DOCK4: variants seen among roughly 807,000 people sequenced by gnomAD.
DOCK4 encodes dedicator of cytokinesis protein 4.
A neutral mutation model predicts 268.1 loss-of-function variants in DOCK4; 97 were observed. The observed-to-expected ratio is 0.36, with a 90% confidence interval of 0.31 to 0.43. DOCK4 has a LOEUF of 0.43. Among genes scored for constraint, DOCK4 ranks in the 20% least tolerant of loss-of-function variants. The probability of loss-of-function intolerance (pLI) is 1.00; values close to 1 mark genes in which losing one functional copy is unlikely to be tolerated. For synonymous variants in DOCK4, 954 were observed against 887.2 expected, an observed-to-expected ratio of 1.08 and a Z score of -1.34; for missense variants, 2,145 against 2,455.7, an observed-to-expected ratio of 0.87 and a Z score of 2.67.
chr7:112,103,264 G>C (rs1341259259), intron 1 of DOCK4, among the ~76,000 whole-genome samples: 1 of 151,550 alleles, frequency 6.6e-6, no homozygotes, highest in African/African-American at 2.4e-5. Flanking sequence ...CCCCAAACTT[G>C]GAGAGCAAAT....
intron 32 of DOCK4, among the ~76,000 whole-genome samples, chr7:111,785,084 T>C (rs574209500): frequency 1.3e-5 from 2 of 152,322 alleles, no homozygotes; most frequent in Non-Finnish European, 2.9e-5. Flanking sequence ...GGCATTCTAG[T>C]GCCCAGCCTT....
rs1797992920 is a variant in DOCK4, at chr7:111,769,641, A to G, written c.3716T>C (p.Leu1239Pro). The change falls in exon 37 of 53, where the codon CTG becomes CCG. Residue 1239 changes from leucine to proline, a missense_variant. Physicochemically the swap from Leu to Pro is moderately conservative, Grantham distance 98. This residue lies in a region of DOCK4 where 1,598 missense variants were observed against 1,986.7 expected (regional missense o/e 0.80). Coordinates refer to ENST00000428084, the MANE Select transcript of DOCK4 (RefSeq NM_001363540.2). ...AYTLLLYDEL[L>P]EWSDRPLREF... Reference sequence around the variant, plus strand: ...CCTGAGGGGCCGATCAGACCATTCCAGTAGCTCGTCATATAAGAGGAGGGT... The same window carrying G: ...CCTGAGGGGCCGATCAGACCATTCCGGTAGCTCGTCATATAAGAGGAGGGT... 1 of 1,613,716 alleles carries G rather than the reference A, an allele frequency of 6.2e-7. No homozygotes were observed. The highest frequency in any genetic ancestry group is 1.3e-5 in the African/African-American group (1 of 74,920).
intron 24 of DOCK4, among the ~76,000 whole-genome samples, chr7:111,845,657 A>G (rs1804039588): frequency 6.6e-6 from 1 of 152,168 alleles, no homozygotes. Context: ...AGTTTGAAAG[A>G]GCTTTTTGGC....
chr7:112,198,901 A>G (rs1220632646), intron 1 of DOCK4, among the ~76,000 whole-genome samples: 3 of 152,200 alleles, frequency 2.0e-5, no homozygotes, highest in Non-Finnish European at 4.4e-5. Context: ...TGATGCTCCA[A>G]CGTGCTCATA....
chr7:111,985,426 T>C (rs532194266), intron 6 of DOCK4, among the ~76,000 whole-genome samples: 25 of 152,224 alleles, frequency 1.6e-4, no homozygotes, highest in Non-Finnish European at 3.5e-4. Context: ...AGAAGGCTTC[T>C]GGCATCACAC....
intron 13 of DOCK4, among the ~76,000 whole-genome samples, chr7:111,906,847 C>T (rs1487376147): frequency 6.6e-6 from 1 of 152,114 alleles, no homozygotes; most frequent in African/African-American, 2.4e-5. Flanking sequence ...GTATATTCTC[C>T]CCTGGAAGCA....
At chr7:112,111,151 T>C (rs1811615145) in intron 1 of DOCK4, among the ~76,000 whole-genome samples, 1 of 152,222 alleles carries the variant, frequency 6.6e-6, no homozygotes, top group Non-Finnish European at 1.5e-5. Flanking sequence ...CCTCTGGTCC[T>C]GGCACAAGCT....
At chr7:112,103,041 C>G (rs540899716) in intron 1 of DOCK4, among the ~76,000 whole-genome samples, 1 of 152,288 alleles carries the variant, frequency 6.6e-6, no homozygotes, top group South Asian at 2.1e-4. Context: ...AGACCTCTGT[C>G]TCTGGTTATA....
In DOCK4 at chr7:111,974,469, A is replaced by T. The variant is rs374643171; in HGVS notation, c.701+2663T>A. ...TTGATTTCTCCGAGGATCATTACAG[A>T]TCAGGTGGCATATTGAAGAGGGATG... is the stretch of plus-strand genomic sequence containing the variant. On this transcript the variant is annotated intron_variant, in intron 8 of 52. Coordinates refer to ENST00000428084, the MANE Select transcript of DOCK4 (RefSeq NM_001363540.2). Among the ~76,000 whole-genome samples the T allele has an allele frequency of 2.7e-5, 4 of 148,100 alleles. No individual in the cohort carries two copies. The East Asian group carries it at 6.2e-4, about 23-fold the overall frequency.
At chr7:111,799,623 G>A (rs991309128) in intron 30 of DOCK4, among the ~76,000 whole-genome samples, 7 of 152,158 alleles carry the variant, frequency 4.6e-5, no homozygotes, top group African/African-American at 1.4e-4. Context: ...ACATAAATGT[G>A]AAGAAACAGA....
intron 30 of DOCK4, among the ~76,000 whole-genome samples, chr7:111,796,970 G>T (rs969374253): frequency 6.6e-6 from 1 of 152,216 alleles, no homozygotes; most frequent in African/African-American, 2.4e-5. Flanking sequence ...AACAGTCGGA[G>T]AATGCTCCCT....
chr7:111,935,875 A>T (rs968463855), intron 11 of DOCK4, among the ~76,000 whole-genome samples: 2 of 152,152 alleles, frequency 1.3e-5, no homozygotes, highest in African/African-American at 4.8e-5. Flanking sequence ...CGCAGATTAC[A>T]AGTGGCCCCA....
intron 1 of DOCK4, among the ~76,000 whole-genome samples, chr7:112,011,964 T>C (rs1355667689): frequency 6.6e-6 from 1 of 151,200 alleles, no homozygotes; most frequent in Non-Finnish European, 1.5e-5. Flanking sequence ...AGGCTTGGGA[T>C]TTAGCTCCAC....
chr7:111,959,734 T>A (rs1462337785), intron 8 of DOCK4, among the ~76,000 whole-genome samples: 1 of 152,204 alleles, frequency 6.6e-6, no homozygotes, highest in Non-Finnish European at 1.5e-5. Flanking sequence ...TTGAAAAGGC[T>A]ATTAGATTGT....
intron 11 of DOCK4, among the ~76,000 whole-genome samples, chr7:111,935,853 G>A (rs1270875993): frequency 6.6e-6 from 1 of 152,118 alleles, no homozygotes; most frequent in Non-Finnish European, 1.5e-5. Context: ...AGAAGCAGCT[G>A]GGATAACACT....
intron 1 of DOCK4, among the ~76,000 whole-genome samples, chr7:112,191,929 TAAC>T (rs1268613135): frequency 6.7e-6 from 1 of 148,690 alleles, no homozygotes; most frequent in East Asian, 1.9e-4. Context: ...ATATACTATA[TAAC>T]ATTACATACT....
intron 23 of DOCK4, among the ~76,000 whole-genome samples, chr7:111,848,376 G>A (rs1002097090): frequency 2.0e-5 from 3 of 152,148 alleles, no homozygotes; most frequent in Non-Finnish European, 4.4e-5. Flanking sequence ...AGGACCCCAC[G>A]CTTGGTGAAA....
intron 8 of DOCK4, among the ~76,000 whole-genome samples, chr7:111,950,979 A>G (rs1321536784): frequency 6.6e-6 from 1 of 152,210 alleles, no homozygotes; most frequent in Non-Finnish European, 1.5e-5. Context: ...GAGAAAACTC[A>G]TTATTTGACT....
chr7:111,963,158 C>T (rs1007934549), intron 8 of DOCK4, among the ~76,000 whole-genome samples: 1 of 152,162 alleles, frequency 6.6e-6, no homozygotes, highest in African/African-American at 2.4e-5. Flanking sequence ...CAGTAAACAG[C>T]TTTGTTTTCA....
Sources: allele counts gnomAD v4.1 joint callset (sites outside exome capture counted in the v4.1 genomes callset), GRCh38; gene constraint gnomAD v4.1.1; regional missense constraint gnomAD v4.1.1; transcripts MANE v1.5; gene names NCBI Gene and HGNC (gene_info 2026-07-23, HGNC 2026-07-21).